MARK2: variants seen among roughly 807,000 people sequenced by gnomAD.
MARK2 encodes the protein serine/threonine-protein kinase MARK2.
In MARK2, 16 loss-of-function variants were observed where a neutral mutation model predicts 89.8. The ratio of observed to expected loss-of-function variants is 0.18; its 90% CI spans 0.12 to 0.27. The LOEUF is 0.27. MARK2 is among the 10% of genes least tolerant of loss of function. The pLI, the probability that MARK2 is intolerant of heterozygous loss-of-function variation, is 1.00. For missense variants in MARK2, 621 were observed against 1,049.9 expected (o/e 0.59, Z 5.65); for synonymous variants, 382 against 399.5 (o/e 0.96, Z 0.52).
intron 1 of MARK2, among the ~76,000 whole-genome samples, chr11:63,852,826 C>T (rs2016639555): frequency 6.6e-6 from 1 of 152,074 alleles, no homozygotes; most frequent in African/African-American, 2.4e-5. Context: ...CTTTCAAGAT[C>T]ATTTAGAGTT....
intron 1 of MARK2, among the ~76,000 whole-genome samples, chr11:63,860,147 A>C (rs945317931): frequency 4.6e-5 from 7 of 152,170 alleles, no homozygotes; most frequent in Non-Finnish European, 1.0e-4. Flanking sequence ...GCATATACTC[A>C]TTCTCCAATT....
chr11:63,902,107 T>C lies in MARK2; in HGVS notation c.1102-91T>C. 1.4e-6 allele frequency: 2 copies of C among 1,430,284 alleles called. No individual in the cohort carries two copies. The highest frequency in any genetic ancestry group is 2.4e-5 in the East Asian group (1 of 42,522). 88.6% of individuals were successfully genotyped at this position (1,430,284 alleles called of 1,614,324 possible). A position where few individuals can be genotyped will look rare whatever the true frequency, so the allele number is the denominator to read the frequency against. Reference sequence around the variant, plus strand: ...GTATGATCCTGGGGTGTTTGAGTGTTGGGAGAGGGCGGTATGTGTAAATGT... The same window carrying C: ...GTATGATCCTGGGGTGTTTGAGTGTCGGGAGAGGGCGGTATGTGTAAATGT... On this transcript the variant is annotated intron_variant, in intron 11 of 18. Coordinates refer to ENST00000402010, the MANE Select transcript of MARK2 (RefSeq NM_001039469.3). The surrounding 1 kb of genome is among the most constrained non-coding windows in gnomAD (Gnocchi z 4.2).
Position 63,900,437 on chromosome 11 carries a change from C to T in MARK2, c.769-122C>T. ...AGGTGTCTTGTCCCCAGGCTGTCTG[C>T]CTTCTTCCATATTTCATTTATGTCT... is the stretch of plus-strand genomic sequence containing the variant. On this transcript the variant is annotated intron_variant, in intron 8 of 18. Coordinates refer to ENST00000402010, the MANE Select transcript of MARK2 (RefSeq NM_001039469.3). The surrounding 1 kb of genome is among the most constrained non-coding windows in gnomAD (Gnocchi z 4.7). The T allele has an allele frequency of 1.7e-6, 2 of 1,209,018 alleles. No individual in the cohort carries two copies. The highest frequency in any genetic ancestry group is 2.3e-6 in the Non-Finnish European group (2 of 851,834). The allele number at this position is 1,209,018 out of a possible 1,614,324, so 74.9% of individuals were successfully genotyped here. A position where few individuals can be genotyped will look rare whatever the true frequency, so the allele number is the denominator to read the frequency against.
At chr11:63,907,662 G>A (rs984573981) in intron 17 of MARK2, among the ~76,000 whole-genome samples, 8 of 152,128 alleles carry the variant, frequency 5.3e-5, no homozygotes, top group South Asian at 2.1e-4. Flanking sequence ...GGGAAAGGTC[G>A]GAGGAGGCCG....
intron 1 of MARK2, among the ~76,000 whole-genome samples, chr11:63,889,178 T>G (rs1035318844): frequency 1.3e-5 from 2 of 151,892 alleles, no homozygotes; most frequent in Non-Finnish European, 2.9e-5. Flanking sequence ...ACAAGCAGCT[T>G]GACAAGTGGG....
rs535370235 is a variant in MARK2, at chr11:63,855,539, A to C, written c.54+15979A>C. ...CTTATTTCAAAAACAAAAAAAAAAA[A>C]AAACAGTGCAGGATGACTAATGTAA... On this transcript the variant is annotated intron_variant, in intron 1 of 18. Coordinates refer to ENST00000402010, the MANE Select transcript of MARK2 (RefSeq NM_001039469.3). Among the ~76,000 whole-genome samples, 10 of 152,226 alleles carry C rather than the reference A, an allele frequency of 6.6e-5. No individual in the cohort carries two copies. The East Asian group carries it at 1.7e-3, about 26-fold the overall frequency.
Position 63,904,960 on chromosome 11 carries a change from A to G in MARK2, c.1851A>G (p.Pro617=), listed in dbSNP as rs1941204976. ...DQQNLPYGVT[P]ASPSGHSQGR... is the part of the protein sequence containing the mutation. ...AGAATTTGCCCTACGGTGTGACCCC[A>G]GCCTCTCCCTCTGGCCACAGCCAGG... Residue 617 remains proline, a synonymous_variant, in exon 16 of 19, where the codon CCA becomes CCG. Coordinates refer to ENST00000402010, the MANE Select transcript of MARK2 (RefSeq NM_001039469.3). This position sits in a 1 kb window ranked among gnomAD's most constrained non-coding sequence, Gnocchi z 6.3. 5.6e-6 allele frequency: 9 copies of G among 1,614,216 alleles called. No homozygotes were observed. Among genetic ancestry groups the G allele is most frequent in the Non-Finnish European group, 7.6e-6 (9 of 1,180,042 alleles).
intron 11 of MARK2, among the ~76,000 whole-genome samples, chr11:63,901,663 T>C (rs112846466): frequency 0.021 from 3,093 of 150,512 alleles, 117 homozygotes; most frequent in African/African-American, 0.072. Context: ...GTTGCTTCTG[T>C]CTAGTGCTTT....
At chr11:63,863,698 A>C (rs905794711) in intron 1 of MARK2, among the ~76,000 whole-genome samples, 2 of 151,398 alleles carry the variant, frequency 1.3e-5, no homozygotes, top group Admixed American at 6.6e-5. Context: ...TCCTGACCTC[A>C]AGTGATCTGC....
chr11:63,846,877 C>T (rs1859865626), intron 1 of MARK2, among the ~76,000 whole-genome samples: 1 of 151,924 alleles, frequency 6.6e-6, no homozygotes, highest in African/African-American at 2.4e-5. Context: ...AGGATGGTCT[C>T]GATCTTCTGA....
intron 1 of MARK2, among the ~76,000 whole-genome samples, chr11:63,873,391 A>G (rs1277208252): frequency 6.6e-6 from 1 of 152,194 alleles, no homozygotes; most frequent in African/African-American, 2.4e-5. Flanking sequence ...ACAGTGGCTG[A>G]AAGGTCAAGA....
At chr11:63,863,916 C>T (rs995921180) in intron 1 of MARK2, among the ~76,000 whole-genome samples, 1 of 152,042 alleles carries the variant, frequency 6.6e-6, no homozygotes, top group African/African-American at 2.4e-5. Flanking sequence ...GACTAATAGG[C>T]ACGTCCCACT....
intron 1 of MARK2, among the ~76,000 whole-genome samples, chr11:63,875,117 A>AT (rs35168603): frequency 0.095 from 11,892 of 125,490 alleles, 1,531 homozygotes; most frequent in African/African-American, 0.29. Flanking sequence ...TGCCCAGCTA[A>AT]TTTTTTTTTT....
At chr11:63,863,450 C>CCCCCCCA (rs1937933530) in intron 1 of MARK2, among the ~76,000 whole-genome samples, 2 of 102,066 alleles carry the variant, frequency 2.0e-5, no homozygotes, top group South Asian at 4.2e-4. Context: ...CCCTCCCCCA[C>CCCCCCCA]CCCCCCACCC....
In MARK2 at chr11:63,893,068, A is replaced by G. The variant is rs187973628; in HGVS notation, c.55-2091A>G. 9.9e-4 allele frequency among the ~76,000 whole-genome samples: 150 copies of G among 150,928 alleles called. No homozygotes were observed. In the East Asian group the frequency reaches 0.018, roughly 18 times the overall value. On this transcript the variant is annotated intron_variant, in intron 1 of 18. Coordinates refer to ENST00000402010, the MANE Select transcript of MARK2 (RefSeq NM_001039469.3). The stretch of plus-strand genomic sequence containing the variant: ...GGATTACAGGCACCTGTAATCCACC[A>G]TGCCCAGCTAATTTTTTGTATTTTT...
rs541723846 is a variant in MARK2, at chr11:63,862,227, A to G, written c.54+22667A>G. Among the ~76,000 whole-genome samples, 3 of 152,146 alleles carry G rather than the reference A, an allele frequency of 2.0e-5. No individual in the cohort carries two copies. The South Asian group carries it at 6.2e-4, about 32-fold the overall frequency. On this transcript the variant is annotated intron_variant, in intron 1 of 18. Transcript: ENST00000402010. ...GGCATGAGCCACCATGCCTGGCTTCATTTATTCTTTGTAAGTTAGTAGATC... is the reference window on the plus strand; with the variant it reads ...GGCATGAGCCACCATGCCTGGCTTCGTTTATTCTTTGTAAGTTAGTAGATC...
rs142641528 is a variant in MARK2 at position 63,856,483 on chromosome 11, C to T, written c.54+16923C>T. Among the ~76,000 whole-genome samples the T allele has an allele frequency of 8.6e-5, 13 of 151,024 alleles. No homozygotes were observed. In the South Asian group the frequency reaches 2.1e-3, roughly 24 times the overall value. On this transcript the variant is annotated intron_variant, in intron 1 of 18. Transcript: ENST00000402010. ...TGTTGCCCAGGCTGGAGTGCAGTGG[C>T]GTGATCTCAGCTCATTGCAGCCTTG... is the stretch of plus-strand genomic sequence containing the variant.
At chr11:63,845,833 A>G (rs1295589439) in intron 1 of MARK2, among the ~76,000 whole-genome samples, 2 of 151,876 alleles carry the variant, frequency 1.3e-5, no homozygotes, top group South Asian at 2.1e-4. Context: ...AGCGATTCTC[A>G]TGCCTCAGTC....
intron 1 of MARK2, among the ~76,000 whole-genome samples, chr11:63,860,628 G>A (rs1229376214): frequency 6.6e-6 from 1 of 151,718 alleles, no homozygotes; most frequent in African/African-American, 2.4e-5. Flanking sequence ...GGAGGCCAGG[G>A]CGGGTGGATC....
Sources: allele counts gnomAD v4.1 joint callset (sites outside exome capture counted in the v4.1 genomes callset), GRCh38; gene constraint gnomAD v4.1.1; non-coding constraint Gnocchi (gnomAD v3.1); transcripts MANE v1.5; gene names NCBI Gene and HGNC (gene_info 2026-07-23, HGNC 2026-07-21).